Variants in PLOD1 observed in about 807,000 individuals in gnomAD.
PLOD1 encodes lysine hydroxylase.
Under a neutral mutation model 94.7 loss-of-function variants are expected in PLOD1, and 70 were observed. The observed-to-expected ratio is 0.74, with a 90% CI of 0.61 to 0.90. The LOEUF is 0.90. Among genes scored for constraint, PLOD1 ranks in the 40% least tolerant of loss-of-function variants. The pLI is 0.00. For missense variants in PLOD1, 905 were observed against 972.7 expected (o/e 0.93, Z 0.93); for synonymous variants, 417 against 400.2 (o/e 1.04, Z -0.50).
chr1:11,965,664 C>T, intron 14 of PLOD1, 71 bp downstream of exon 14: 1 of 933,224 alleles, frequency 1.1e-6, no homozygotes. Flanking sequence ...GAGGGACTTC[C>T]CTCTCAGAGT....
Position 11,964,299 on chromosome 1 carries a change from G to T in PLOD1, c.1327G>T (p.Val443Phe), listed in dbSNP as rs1445338657. ...DYVDIVQGRRVGVWNVPYISN... is the reference protein window; with the variant it reads ...DYVDIVQGRRFGVWNVPYISN... ...CGTGGACATTGTGCAGGGGCGGCGT[G>T]TGTGAGTACCTGCAGGGTGGGGGTG... Residue 443 changes from valine to phenylalanine, a missense_variant and splice_region_variant, in exon 12 of 19, where the codon GTT becomes TTT. Val to Phe is a conservative substitution (Grantham distance 50, BLOSUM62 -1). Transcript: ENST00000196061. 1.8e-6 allele frequency: 2 copies of T among 1,125,162 alleles called. No individual in the cohort carries two copies. Among genetic ancestry groups the T allele is most frequent in the Non-Finnish European group, 2.5e-6 (2 of 789,182 alleles). 69.7% of individuals were successfully genotyped at this position (1,125,162 alleles called of 1,614,324 possible). A position where few individuals can be genotyped will look rare whatever the true frequency, so the allele number is the denominator to read the frequency against.
At chr1:11,960,231 A>G (rs192526431) in intron 9 of PLOD1, among the ~76,000 whole-genome samples, 4 of 152,270 alleles carry the variant, frequency 2.6e-5, no homozygotes, top group Non-Finnish European at 4.4e-5. Context: ...CGGCCTCCCA[A>G]AGTGCTGCGA....
chr1:11,973,786 T>C (rs1645883273), intron 18 of PLOD1, among the ~76,000 whole-genome samples: 1 of 152,064 alleles, frequency 6.6e-6, no homozygotes, highest in Non-Finnish European at 1.5e-5. Context: ...TTCACTATGT[T>C]GCCCAGGCTG....
In PLOD1 at chr1:11,964,206, G is replaced by A. The variant is rs777107202; in HGVS notation, c.1234G>A (p.Gly412Arg). ...NVIAPLMTRH[G>R]RLWSNFWGAL... is the part of the protein sequence containing the mutation. ...CATTGCCCCGCTGATGACCCGGCAT[G>A]GGAGGCTGTGGTCGAACTTCTGGGG... Residue 412 changes from glycine (G) to arginine (R), a missense_variant, in exon 12 of 19, where the codon GGG becomes AGG. By Grantham distance (125) the Gly-to-Arg change is moderately radical. Transcript: ENST00000196061. The A allele has an allele frequency of 3.1e-6, 5 of 1,613,778 alleles. No homozygotes were observed. Among genetic ancestry groups the A allele is most frequent in the African/African-American group, 2.7e-5 (2 of 74,866 alleles).
At chr1:11,941,501 A>G (rs1645615230) in intron 1 of PLOD1, among the ~76,000 whole-genome samples, 1 of 148,278 alleles carries the variant, frequency 6.7e-6, no homozygotes, top group African/African-American at 2.6e-5. Context: ...TATTTTTGAG[A>G]TGGAGTTTCA....
chr1:11,952,940 G>A (rs184705027), intron 5 of PLOD1, among the ~76,000 whole-genome samples: 2 of 152,202 alleles, frequency 1.3e-5, no homozygotes, highest in Admixed American at 6.5e-5. Flanking sequence ...TGAGATCACA[G>A]TTGGGTTCTG....
Position 11,957,241 on chromosome 1 carries a change from G to A in PLOD1, c.741+227G>A, listed in dbSNP as rs947650034. On this transcript the variant is annotated intron_variant, in intron 7 of 18. Coordinates refer to ENST00000196061, the MANE Select transcript of PLOD1 (RefSeq NM_000302.4). This position sits in a 1 kb window ranked among gnomAD's most constrained non-coding sequence, Gnocchi z 4.1. ...TTGCTGGTCACAGGACACGTAGGAG[G>A]CTGCCATCCCCTTCCAGGCCTAGGC... 1 of 730,978 alleles carries A rather than the reference G, an allele frequency of 1.4e-6. No individual in the cohort carries two copies. Among genetic ancestry groups the A allele is most frequent in the Non-Finnish European group, 2.6e-6 (1 of 388,958 alleles). 45.3% of individuals were successfully genotyped at this position (730,978 alleles called of 1,614,324 possible). A position where few individuals can be genotyped will look rare whatever the true frequency, so the allele number is the denominator to read the frequency against.
chr1:11,954,202 GC>G, intron 5 of PLOD1: 1 of 194,728 alleles, frequency 5.1e-6, no homozygotes, highest in South Asian at 7.7e-5. Context: ...AGGTGCGGTG[GC>G]TCACACCTGT....
At position 11,951,438 on chromosome 1, in the gene PLOD1, C is replaced by T. The variant is rs943844468; in HGVS notation, c.466+918C>T. ...AAAGGTAGCCGGGCGTGGTGGTACA[C>T]GCCTGTAATCCCAGCTACTTGGGAA... On this transcript the variant is annotated intron_variant, in intron 4 of 18. Coordinates refer to ENST00000196061, the MANE Select transcript of PLOD1 (RefSeq NM_000302.4). Among the ~76,000 whole-genome samples the T allele has an allele frequency of 4.6e-5, 7 of 151,686 alleles. No homozygotes were observed. In the South Asian group the frequency reaches 6.2e-4, roughly 14 times the overall value.
chr1:11,950,243 C>T (rs1645689503), intron 3 of PLOD1, 114 bp from the exon 4 acceptor site: 8 of 1,031,204 alleles, frequency 7.8e-6, no homozygotes, highest in East Asian at 2.4e-5. Context: ...CCCAGGCTGG[C>T]GTGGGCAGAG....
In PLOD1 at chr1:11,935,983, C is replaced by A. The variant is rs181774479; in HGVS notation, c.76+1128C>A. Among the ~76,000 whole-genome samples, 961 of 152,132 alleles carry A rather than the reference C, an allele frequency of 6.3e-3. 3 individuals carry two copies. The highest frequency in any genetic ancestry group is 0.011 in the Non-Finnish European group (751 of 68,002). On this transcript the variant is annotated intron_variant, in intron 1 of 18. Coordinates refer to ENST00000196061, the MANE Select transcript of PLOD1 (RefSeq NM_000302.4). ...AGGTGGGATCACAGACATGTGCCAC[C>A]ATGCCCAGCTAATTTTTGTATTTTT...
rs754503001 is a variant in PLOD1 at position 11,954,310 on chromosome 1, CAAAAAAAA to C, written c.580-501_580-494del. On this transcript the variant is annotated intron_variant, in intron 5 of 18. Coordinates refer to ENST00000196061, the MANE Select transcript of PLOD1 (RefSeq NM_000302.4). ...CAATGTGGTGAAATCCCATCTCTAG[CAAAAAAAA>C]AAAAAAAAAAAAAAAAAATTAGCTG... The C allele has an allele frequency of 8.4e-3, 1,356 of 161,566 alleles. 21 individuals carry two copies. Among genetic ancestry groups the C allele is most frequent in the African/African-American group, 0.063 (1,168 of 18,668 alleles). 10.0% of individuals were successfully genotyped at this position (161,566 alleles called of 1,614,324 possible). A position where few individuals can be genotyped will look rare whatever the true frequency, so the allele number is the denominator to read the frequency against.
intron 2 of PLOD1, among the ~76,000 whole-genome samples, chr1:11,948,556 C>T (rs1168089148): frequency 6.6e-6 from 1 of 152,044 alleles, no homozygotes; most frequent in African/African-American, 2.4e-5. Flanking sequence ...GGCGAAACCC[C>T]ATCTCTACTA....
rs1284153447 is a variant in PLOD1 at position 11,972,169 on chromosome 1, A to G, written c.1903-703A>G. 1.3e-5 allele frequency: 2 copies of G among 152,832 alleles called. No homozygotes were observed. The highest frequency in any genetic ancestry group is 2.9e-5 in the Non-Finnish European group (2 of 68,354). The allele number at this position is 152,832 out of a possible 1,614,324, so 9.5% of individuals were successfully genotyped here. On this transcript the variant is annotated intron_variant, in intron 17 of 18. Transcript: ENST00000196061. This position sits in a 1 kb window ranked among gnomAD's most constrained non-coding sequence, Gnocchi z 4.6. Reference sequence around the variant, plus strand: ...TGCCCCCCTTTGTCTTTGTCTTTTCATTCATTCCTTCGTTCCTTTCTTCCC... The same window carrying G: ...TGCCCCCCTTTGTCTTTGTCTTTTCGTTCATTCCTTCGTTCCTTTCTTCCC...
intron 1 of PLOD1, among the ~76,000 whole-genome samples, chr1:11,942,571 T>C (rs1307144219): frequency 6.6e-6 from 1 of 152,148 alleles, no homozygotes; most frequent in Non-Finnish European, 1.5e-5. Flanking sequence ...GTCAAGGGAA[T>C]GGGGTGCAGG....
At chr1:11,971,365 G>A (rs1645862376) in intron 17 of PLOD1, among the ~76,000 whole-genome samples, 1 of 150,974 alleles carries the variant, frequency 6.6e-6, no homozygotes, top group Non-Finnish European at 1.5e-5. Flanking sequence ...TGGTCCCCAG[G>A]CAGGAGTGAG....
At chr1:11,942,341 C>T (rs1366133694) in intron 1 of PLOD1, among the ~76,000 whole-genome samples, 4 of 152,128 alleles carry the variant, frequency 2.6e-5, no homozygotes, top group Non-Finnish European at 4.4e-5. Context: ...TGGTCATGCC[C>T]AGTCCCAGCC....
chr1:11,936,863 T>C (rs1645582965), intron 1 of PLOD1, among the ~76,000 whole-genome samples: 1 of 150,796 alleles, frequency 6.6e-6, no homozygotes, highest in South Asian at 2.1e-4. Context: ...TTTTTTTTTT[T>C]TGAGGCAGAG....
chr1:11,964,516 C>G (rs1013352441), intron 12 of PLOD1, 128 bp from the exon 13 acceptor site: 1 of 985,842 alleles, frequency 1.0e-6, no homozygotes, highest in South Asian at 1.3e-5. Flanking sequence ...AATTGTGCCC[C>G]CCTAGCCTGT....
Sources: allele counts gnomAD v4.1 joint callset (sites outside exome capture counted in the v4.1 genomes callset), GRCh38; gene constraint gnomAD v4.1.1; non-coding constraint Gnocchi (gnomAD v3.1); transcripts MANE v1.5; gene names NCBI Gene and HGNC (gene_info 2026-07-23, HGNC 2026-07-21).